Variants in GLI3 observed in about 807,000 individuals in gnomAD.
GLI3 encodes GLI family zinc finger 3, also known as transcription activator GLI3.
Under a neutral mutation model 100.8 loss-of-function variants are expected in GLI3, and 20 were observed. That is an observed-to-expected ratio of 0.20 (90% CI 0.14 to 0.29). The LOEUF is 0.29. GLI3 is among the 10% of genes least tolerant of loss of function. GLI3 has a pLI of 1.00. For synonymous variants in GLI3, 938 were observed against 860.5 expected (o/e 1.09, Z -1.58); for missense variants, 2,040 against 2,128.5 (o/e 0.96, Z 0.82).
chr7:41,972,595 A>G lies in GLI3; in HGVS notation c.1845T>C (p.Thr615=), dbSNP rs373687877. The change falls in exon 13 of 15, where the codon ACT becomes ACC. Residue 615 remains threonine (T), a synonymous_variant. Coordinates refer to ENST00000395925, the MANE Select transcript of GLI3 (RefSeq NM_000168.6). The surrounding 1 kb of genome is among the most constrained non-coding windows in gnomAD (Gnocchi z 4.4). ...KPYVCKIPGC[T]KRYTDPSSLR... ...GGGAGCTTGGGTCTGTGTAACGCTTAGTGCAGCCTGGGATTTTGCACACAT... is the reference window on the plus strand; with the variant it reads ...GGGAGCTTGGGTCTGTGTAACGCTTGGTGCAGCCTGGGATTTTGCACACAT... The G allele has an allele frequency of 4.4e-6, 7 of 1,607,606 alleles. No homozygotes were observed. In the African/African-American group the frequency reaches 9.4e-5, roughly 21 times the overall value.
At chr7:42,063,277 G>T (rs982199333) in intron 4 of GLI3, among the ~76,000 whole-genome samples, 3 of 151,936 alleles carry the variant, frequency 2.0e-5, no homozygotes, top group African/African-American at 7.3e-5. Flanking sequence ...TCAATTTTTT[G>T]ACCAAATACA....
At chr7:42,013,539 T>C (rs1011756819) in intron 10 of GLI3, among the ~76,000 whole-genome samples, 2 of 152,040 alleles carry the variant, frequency 1.3e-5, no homozygotes, top group African/African-American at 4.8e-5. Flanking sequence ...AAATTAGTAT[T>C]ATTATTGTTA....
intron 10 of GLI3, among the ~76,000 whole-genome samples, chr7:41,994,443 T>C (rs1189406511): frequency 2.0e-5 from 3 of 152,322 alleles, no homozygotes; most frequent in Middle Eastern, 3.4e-3. Context: ...AGAATTTTCA[T>C]TGGAGCAATA....
chr7:42,119,918 C>T (rs373278913), intron 3 of GLI3, among the ~76,000 whole-genome samples: 5 of 152,268 alleles, frequency 3.3e-5, no homozygotes, highest in Admixed American at 1.3e-4. Context: ...CCAAAACTCC[C>T]GGGGATGTGT....
intron 10 of GLI3, among the ~76,000 whole-genome samples, chr7:42,021,831 A>T (rs1191173751): frequency 1.3e-5 from 2 of 152,180 alleles, no homozygotes; most frequent in Admixed American, 6.5e-5. Flanking sequence ...AATTCTCTTC[A>T]TGTTTGTTGG....
chr7:42,238,430 T>G (rs571178764), upstream of GLI3, among the ~76,000 whole-genome samples: 1 of 152,230 alleles, frequency 6.6e-6, no homozygotes, highest in African/African-American at 2.4e-5. Context: ...CGCGGGATGA[T>G]GCCTTTGGAA....
chr7:42,124,739 A>T (rs993963639), intron 3 of GLI3, among the ~76,000 whole-genome samples: 4 of 152,208 alleles, frequency 2.6e-5, no homozygotes, highest in Admixed American at 2.6e-4. Context: ...AAGTGTCGGG[A>T]CAAAGTTTAT....
At chr7:42,185,888 G>T (rs565567660) in intron 2 of GLI3, among the ~76,000 whole-genome samples, 103 of 152,318 alleles carry the variant, frequency 6.8e-4, no homozygotes, top group Non-Finnish European at 1.3e-3. Context: ...GAGTCATGGG[G>T]CATGTGCTAG....
rs886062335 is a variant in GLI3 at position 41,964,483 on chromosome 7, G to A, written c.4590C>T (p.Asn1530=). ...TGAGGCGGGAGGAGCTATGGGAAAG[G>A]TTCTGAATGATACTTGGGCTCAGGG... The part of the protein sequence containing the change: ...SGALSPSIIQ[N]LSHSSSRLTT... Residue 1530 remains asparagine, a synonymous_variant, in exon 15 of 15, where the codon AAC becomes AAT. Transcript: ENST00000395925. 2 of 1,614,188 alleles carry A rather than the reference G, an allele frequency of 1.2e-6. No homozygotes were observed. The highest frequency in any genetic ancestry group is 8.5e-7 in the Non-Finnish European group (1 of 1,179,998).
chr7:42,255,104 G>C (rs1789072444), intron 1 of GLI3, among the ~76,000 whole-genome samples: 1 of 148,422 alleles, frequency 6.7e-6, no homozygotes, highest in Non-Finnish European at 1.5e-5. Flanking sequence ...TTGTGCATAG[G>C]ATTCTTTTAG....
chr7:42,024,426 C>T (rs1789040716), intron 9 of GLI3, among the ~76,000 whole-genome samples: 1 of 47,566 alleles, frequency 2.1e-5, no homozygotes, highest in Non-Finnish European at 3.9e-5. Context: ...AGATCCATTT[C>T]AGAGCCCGTG....
At chr7:42,261,254 G>A (rs956958851) in intron 1 of GLI3, among the ~76,000 whole-genome samples, 7 of 122,178 alleles carry the variant, frequency 5.7e-5, no homozygotes, top group Non-Finnish European at 1.3e-4. Context: ...TATGGGGTGC[G>A]GGGAGGTGCC....
At chr7:42,092,104 T>A (rs1785233423) in intron 3 of GLI3, among the ~76,000 whole-genome samples, 1 of 152,176 alleles carries the variant, frequency 6.6e-6, no homozygotes, top group Non-Finnish European at 1.5e-5. Context: ...CACTGGTAAT[T>A]AACAGATAAC....
intron 2 of GLI3, among the ~76,000 whole-genome samples, chr7:42,207,082 T>C (rs1162583782): frequency 1.3e-5 from 2 of 152,290 alleles, no homozygotes; most frequent in South Asian, 2.1e-4. Flanking sequence ...AGCAAGTCTA[T>C]ACAACCCCTT....
intron 4 of GLI3, among the ~76,000 whole-genome samples, chr7:42,071,285 T>C (rs908825380): frequency 2.6e-5 from 4 of 152,102 alleles, no homozygotes; most frequent in African/African-American, 2.4e-5. Flanking sequence ...TGATATGTCA[T>C]TACACTTTAC....
rs1362182250 is a variant in GLI3 at position 42,182,580 on chromosome 7, T to C, written c.125-34112A>G. 8.9e-5 allele frequency among the ~76,000 whole-genome samples: 13 copies of C among 146,072 alleles called. 1 individual carries two copies. Among genetic ancestry groups the C allele is most frequent in the Admixed American group, 8.3e-4 (12 of 14,400 alleles). Reference sequence around the variant, plus strand: ...TTATTACCAACTTTCCAATATTCAATGGAAGACAAGGCCTCACATAGTATT... The same window carrying C: ...TTATTACCAACTTTCCAATATTCAACGGAAGACAAGGCCTCACATAGTATT... On this transcript the variant is annotated intron_variant, in intron 2 of 14. Coordinates refer to ENST00000395925, the MANE Select transcript of GLI3 (RefSeq NM_000168.6).
chr7:41,983,052 T>G (rs1787718687), intron 10 of GLI3, among the ~76,000 whole-genome samples: 1 of 152,384 alleles, frequency 6.6e-6, no homozygotes, highest in Admixed American at 6.5e-5. Context: ...TCACAAAATA[T>G]TCTTTGACTT....
intron 3 of GLI3, among the ~76,000 whole-genome samples, chr7:42,108,763 T>C (rs1785635299): frequency 6.6e-6 from 1 of 152,196 alleles, no homozygotes; most frequent in African/African-American, 2.4e-5. Flanking sequence ...AGAGTGAAGC[T>C]GCCCTAAAAT....
At chr7:42,115,251 G>A (rs1785823842) in intron 3 of GLI3, among the ~76,000 whole-genome samples, 1 of 146,328 alleles carries the variant, frequency 6.8e-6, no homozygotes, top group Non-Finnish European at 1.5e-5. Context: ...CGATTCTCCT[G>A]CCTCAGCCTC....
Sources: gnomAD v4.1 joint callset for allele counts (sites outside exome capture counted in the v4.1 genomes callset) on GRCh38, gnomAD v4.1.1 for gene constraint, Gnocchi (gnomAD v3.1) non-coding constraint, MANE v1.5 for transcripts, NCBI Gene and HGNC (gene_info 2026-07-23, HGNC 2026-07-21) for gene names.